The following SLIT3 variants were observed in gnomAD, a reference collection of about 807,000 sequenced individuals.
The protein encoded by SLIT3 is slit guidance ligand 3, also known as slit homolog 3 protein.
In SLIT3, 68 loss-of-function variants were observed where a neutral mutation model predicts 184.0. The observed-to-expected ratio is 0.37, with a 90% CI of 0.30 to 0.45. SLIT3 has a LOEUF of 0.45. Among genes scored for constraint, SLIT3 ranks in the 20% least tolerant of loss-of-function variants. The pLI is 1.00. For synonymous variants in SLIT3, 831 were observed against 828.6 expected (o/e 1.00, Z -0.05); for missense variants, 1,707 against 2,026.0 (o/e 0.84, Z 3.02).
At position 168,666,404 on chromosome 5, in the gene SLIT3, C is replaced by T; in HGVS notation, c.*50G>A. On this transcript the variant is annotated 3_prime_UTR_variant, in exon 36 of 36. Coordinates refer to ENST00000519560, the MANE Select transcript of SLIT3 (RefSeq NM_003062.4). ...ACCAGGGGGTCCCACATGGCTGTCC[C>T]AACTCCATCAAGCTGGAGTCCGAGA... 1 of 1,493,424 alleles carries T rather than the reference C, an allele frequency of 6.7e-7. No individual in the cohort carries two copies. Among genetic ancestry groups the T allele is most frequent in the Non-Finnish European group, 8.9e-7 (1 of 1,122,690 alleles). 92.5% of individuals were successfully genotyped at this position (1,493,424 alleles called of 1,614,324 possible). A position where few individuals can be genotyped will look rare whatever the true frequency, so the allele number is the denominator to read the frequency against.
chr5:169,006,980 C>T (rs1755959712), intron 4 of SLIT3, among the ~76,000 whole-genome samples: 1 of 152,068 alleles, frequency 6.6e-6, no homozygotes, highest in Non-Finnish European at 1.5e-5. Context: ...GATCCGTGTC[C>T]CCACCCAAGT....
chr5:169,178,503 C>T (rs941355869), intron 4 of SLIT3, among the ~76,000 whole-genome samples: 35 of 152,184 alleles, frequency 2.3e-4, no homozygotes, highest in African/African-American at 7.0e-4. Context: ...GAGAGTCACA[C>T]GTGCGATCAG....
chr5:168,840,657 G>A (rs1278314817), intron 6 of SLIT3, among the ~76,000 whole-genome samples: 1 of 152,132 alleles, frequency 6.6e-6, no homozygotes, highest in East Asian at 1.9e-4. Flanking sequence ...AAAACCTAGT[G>A]TTGTATGCGA....
chr5:168,801,091 T>A (rs370099442), intron 9 of SLIT3, among the ~76,000 whole-genome samples: 6 of 152,146 alleles, frequency 3.9e-5, no homozygotes, highest in African/African-American at 1.4e-4. Flanking sequence ...GAACAAGGAT[T>A]CGAACCCCCA....
chr5:168,931,210 GA>G (rs143692868), intron 4 of SLIT3, among the ~76,000 whole-genome samples: 3,583 of 152,248 alleles, frequency 0.024, 99 homozygotes, highest in East Asian at 0.13. Context: ...GCTTGAAAAA[GA>G]GAAAGAACGC....
rs763752554 is a variant in SLIT3 at position 168,753,832 on chromosome 5, G to T, written c.1829+32C>A. On this transcript the variant is annotated intron_variant, in intron 17 of 35. Coordinates refer to ENST00000519560, the MANE Select transcript of SLIT3 (RefSeq NM_003062.4). ...CCCCTGCCCTCCCGTCTCCCTCTGG[G>T]TCTTGGCCCAGGCCCCACCCCAGGC... is the stretch of plus-strand genomic sequence containing the variant. The T allele has an allele frequency of 7.5e-6, 12 of 1,602,940 alleles. No individual in the cohort carries two copies. In the South Asian group the frequency reaches 8.8e-5, roughly 12 times the overall value.
intron 20 of SLIT3, among the ~76,000 whole-genome samples, chr5:168,747,702 T>C (rs1057130291): frequency 1.3e-5 from 2 of 152,118 alleles, no homozygotes; most frequent in Non-Finnish European, 2.9e-5. Flanking sequence ...TGGGAGTTTC[T>C]GGTGCAGAAA....
At chr5:168,788,210 TCTC>T (rs1322700359) in intron 11 of SLIT3, among the ~76,000 whole-genome samples, 1 of 152,042 alleles carries the variant, frequency 6.6e-6, no homozygotes, top group Non-Finnish European at 1.5e-5. Flanking sequence ...TCCTCTCCCT[TCTC>T]CTCTGTGATC....
intron 4 of SLIT3, among the ~76,000 whole-genome samples, chr5:168,985,061 T>C (rs1034754974): frequency 6.6e-6 from 1 of 152,208 alleles, no homozygotes; most frequent in East Asian, 1.9e-4. Context: ...TTTCTTAGAA[T>C]GACAATTACT....
chr5:168,972,376 T>TGTGTGTGTGTGTGTGTGTGTGA (rs1245225696), intron 4 of SLIT3, among the ~76,000 whole-genome samples: 2 of 150,676 alleles, frequency 1.3e-5, no homozygotes, highest in East Asian at 1.9e-4. Flanking sequence ...TGTGTGTGTG[T>TGTGTGTGTGTGTGTGTGTGTGA]GAAGAGAGAA....
intron 26 of SLIT3, among the ~76,000 whole-genome samples, chr5:168,706,275 C>T (rs571726783): frequency 7.9e-5 from 12 of 151,802 alleles, no homozygotes; most frequent in African/African-American, 2.2e-4. Flanking sequence ...TTGATTCTTA[C>T]GGCAAACCTA....
chr5:168,748,753 T>C (rs531209077), intron 19 of SLIT3, among the ~76,000 whole-genome samples: 1 of 152,270 alleles, frequency 6.6e-6, no homozygotes, highest in African/African-American at 2.4e-5. Flanking sequence ...CCTTGTCTTT[T>C]CCCTTCCTCT....
intron 18 of SLIT3, 140 bp downstream of exon 18, chr5:168,752,815 G>T: frequency 1.3e-6 from 1 of 779,230 alleles, no homozygotes; most frequent in Non-Finnish European, 2.1e-6. Flanking sequence ...TGCCTGCCTG[G>T]CACATACAGA....
intron 10 of SLIT3, among the ~76,000 whole-genome samples, chr5:168,793,344 A>T (rs1406601897): frequency 6.6e-6 from 1 of 152,142 alleles, no homozygotes; most frequent in East Asian, 1.9e-4. Flanking sequence ...TAAACTGGTC[A>T]CGTATATTTA....
rs1052060701 is a variant in SLIT3, at chr5:169,287,738, C to A, written c.197+12775G>T. On this transcript the variant is annotated intron_variant, in intron 1 of 35. Transcript: ENST00000519560. ...CAGCAGATGGAAAGGGAGGTGCCAG[C>A]TTCTAGCAGGAGGGGATGTGGTGGA... Among the ~76,000 whole-genome samples, 14 of 152,270 alleles carry A rather than the reference C, an allele frequency of 9.2e-5. No individual in the cohort carries two copies. In the East Asian group the frequency reaches 2.7e-3, roughly 29 times the overall value.
At chr5:169,146,194 T>C (rs572582095) in intron 4 of SLIT3, among the ~76,000 whole-genome samples, 8 of 152,342 alleles carry the variant, frequency 5.3e-5, no homozygotes, top group African/African-American at 1.9e-4. Flanking sequence ...ATAGGTTGAG[T>C]CACTTCTCTA....
chr5:169,298,425 G>A (rs760829988), intron 1 of SLIT3, among the ~76,000 whole-genome samples: 2 of 152,128 alleles, frequency 1.3e-5, no homozygotes, highest in African/African-American at 2.4e-5. Context: ...TGCGGTTCCT[G>A]CAGCTCTGGA....
intron 4 of SLIT3, among the ~76,000 whole-genome samples, chr5:169,190,505 G>C (rs548812494): frequency 4.1e-4 from 62 of 152,278 alleles, no homozygotes; most frequent in Non-Finnish European, 7.6e-4. Context: ...GCTAGTGAGT[G>C]GTGTTATAGT....
intron 20 of SLIT3, among the ~76,000 whole-genome samples, chr5:168,744,058 G>A (rs1763721714): frequency 6.6e-6 from 1 of 152,222 alleles, no homozygotes. Flanking sequence ...GGGAATCCGG[G>A]GCGGGTGGAT....
Sources: allele counts gnomAD v4.1 joint callset (sites outside exome capture counted in the v4.1 genomes callset), GRCh38; gene constraint gnomAD v4.1.1; transcripts MANE v1.5; gene names NCBI Gene and HGNC (gene_info 2026-07-23, HGNC 2026-07-21).